Variants in MAGI1 observed in about 807,000 individuals in gnomAD.
MAGI1 encodes the protein membrane-associated guanylate kinase, WW and PDZ domain-containing protein 1.
In MAGI1, 58 loss-of-function variants were observed where a neutral mutation model predicts 139.9. The observed-to-expected ratio is 0.41, with a 90% CI of 0.34 to 0.52. The LOEUF (loss-of-function observed/expected upper bound fraction) is 0.52. Ranked by LOEUF, MAGI1 falls within the 20% of genes least tolerant of loss-of-function variation. The pLI is 0.12. For missense variants in MAGI1, 1,874 were observed against 1,901.6 expected, an observed-to-expected ratio of 0.99 and a Z score of 0.27; for synonymous variants, 812 against 737.9, an observed-to-expected ratio of 1.10 and a Z score of -1.63.
chr3:65,837,331 C>A, intron 1 of MAGI1, among the ~76,000 whole-genome samples: 1 of 152,198 alleles, frequency 6.6e-6, no homozygotes, highest in East Asian at 1.9e-4. Context: ...TGAGTATCAA[C>A]TTCAGCTGCC....
chr3:65,735,891 A>C (rs1344706151), intron 1 of MAGI1, among the ~76,000 whole-genome samples: 1 of 152,160 alleles, frequency 6.6e-6, no homozygotes, highest in Non-Finnish European at 1.5e-5. Context: ...CAATAACTGA[A>C]GCCTCTGTGA....
At chr3:65,833,907 C>G (rs1030778913) in intron 1 of MAGI1, among the ~76,000 whole-genome samples, 1 of 152,190 alleles carries the variant, frequency 6.6e-6, no homozygotes, top group Non-Finnish European at 1.5e-5. Context: ...CACAAGCTCC[C>G]CAGTGGCTTT....
At chr3:66,023,533 GCAAAAAA>G (rs1211573625) in intron 1 of MAGI1, among the ~76,000 whole-genome samples, 1 of 152,034 alleles carries the variant, frequency 6.6e-6, no homozygotes, top group Non-Finnish European at 1.5e-5. Flanking sequence ...ACACTGGTTT[GCAAAAAA>G]CAAAAAACAA....
At chr3:65,611,573 CTATATATACTATACTAGTATATACAGTA>C (rs1202783749) in intron 2 of MAGI1, among the ~76,000 whole-genome samples, 3 of 135,424 alleles carry the variant, frequency 2.2e-5, no homozygotes, top group Admixed American at 1.5e-4. Flanking sequence ...ATATATGACA[CTATATATACTATACTAGTATATACAGTA>C]TATATATACT....
At chr3:65,771,580 A>G (rs1307953480) in intron 1 of MAGI1, among the ~76,000 whole-genome samples, 1 of 152,210 alleles carries the variant, frequency 6.6e-6, no homozygotes, top group Non-Finnish European at 1.5e-5. Flanking sequence ...AAAATAAGGT[A>G]TAACCAGCCT....
intron 1 of MAGI1, among the ~76,000 whole-genome samples, chr3:66,012,102 T>C (rs564797910): frequency 6.6e-6 from 1 of 152,212 alleles, no homozygotes; most frequent in South Asian, 2.1e-4. Flanking sequence ...CAAAATGGTA[T>C]TTCAAAGTTA....
intron 1 of MAGI1, among the ~76,000 whole-genome samples, chr3:65,865,204 T>A (rs1030262882): frequency 3.9e-5 from 6 of 152,176 alleles, no homozygotes; most frequent in Non-Finnish European, 7.3e-5. Context: ...CTCTGCCCTT[T>A]GATGGTATAA....
chr3:65,716,521 AG>A (rs1323459110), intron 1 of MAGI1, among the ~76,000 whole-genome samples: 1 of 152,244 alleles, frequency 6.6e-6, no homozygotes, highest in Admixed American at 6.5e-5. Context: ...ACAGAGTGGT[AG>A]GAACAGTGGG....
chr3:65,888,032 T>A (rs900842620), intron 1 of MAGI1, among the ~76,000 whole-genome samples: 1 of 152,172 alleles, frequency 6.6e-6, no homozygotes, highest in Non-Finnish European at 1.5e-5. Context: ...AAAGAACCTA[T>A]CACCAAACTA....
intron 1 of MAGI1, among the ~76,000 whole-genome samples, chr3:65,747,070 G>A (rs2035770283): frequency 6.6e-6 from 1 of 152,314 alleles, no homozygotes; most frequent in South Asian, 2.1e-4. Flanking sequence ...GGAGGCTGAG[G>A]CAGGACGAAT....
chr3:65,774,193 A>T (rs1342716285), intron 1 of MAGI1, among the ~76,000 whole-genome samples: 1 of 152,118 alleles, frequency 6.6e-6, no homozygotes, highest in African/African-American at 2.4e-5. Flanking sequence ...TCTATAACTG[A>T]CATATAATTC....
At chr3:65,940,755 C>T (rs2063275008) in intron 1 of MAGI1, among the ~76,000 whole-genome samples, 1 of 152,122 alleles carries the variant, frequency 6.6e-6, no homozygotes, top group Non-Finnish European at 1.5e-5. Context: ...ATAAATGTAA[C>T]CAAAGTGCGT....
intron 2 of MAGI1, among the ~76,000 whole-genome samples, chr3:65,499,685 C>T (rs1429846760): frequency 1.3e-5 from 2 of 151,976 alleles, no homozygotes; most frequent in Non-Finnish European, 2.9e-5. Context: ...TTAATGTGCA[C>T]TGAAGTGATA....
intron 1 of MAGI1, among the ~76,000 whole-genome samples, chr3:66,008,453 T>C (rs1053044609): frequency 2.0e-4 from 30 of 152,196 alleles, no homozygotes; most frequent in African/African-American, 6.8e-4. Flanking sequence ...GTAGGCACTA[T>C]ACCTGGCAGG....
chr3:65,611,089 CATAT>C (rs1238941163), intron 2 of MAGI1, among the ~76,000 whole-genome samples: 1 of 134,618 alleles, frequency 7.4e-6, no homozygotes, highest in African/African-American at 2.7e-5. Context: ...GTACTATATA[CATAT>C]ATAATATATA....
At chr3:65,562,629 C>G (rs537555839) in intron 2 of MAGI1, among the ~76,000 whole-genome samples, 2 of 152,142 alleles carry the variant, frequency 1.3e-5, no homozygotes, top group Admixed American at 1.3e-4. Flanking sequence ...GGTGGGATTA[C>G]AAGTGCAAGC....
At chr3:65,391,698 C>A (rs1308832929) in intron 13 of MAGI1, among the ~76,000 whole-genome samples, 1 of 152,130 alleles carries the variant, frequency 6.6e-6, no homozygotes, top group Non-Finnish European at 1.5e-5. Context: ...TTCATTTTCA[C>A]AAAAATATGT....
intron 1 of MAGI1, among the ~76,000 whole-genome samples, chr3:66,014,501 AT>A (rs1411743481): frequency 2.0e-5 from 3 of 152,162 alleles, no homozygotes; most frequent in South Asian, 2.1e-4. Context: ...ATACCATATA[AT>A]TTTTCAACCA....
In MAGI1 at chr3:65,502,519, A is replaced by G. The variant is rs577099873; in HGVS notation, c.431-8888T>C. On this transcript the variant is annotated intron_variant, in intron 2 of 22. Transcript: ENST00000402939. The stretch of plus-strand genomic sequence containing the variant: ...CACCTGGAGTCCCAGCTACAAGGGA[A>G]GCTGAAGTGGGAGGATTGCTTGAAC... Among the ~76,000 whole-genome samples the G allele has an allele frequency of 2.0e-5, 3 of 152,338 alleles. No homozygotes were observed. The East Asian group carries it at 5.8e-4, about 29-fold the overall frequency.
Sources: allele counts gnomAD v4.1 joint callset (sites outside exome capture counted in the v4.1 genomes callset), GRCh38; gene constraint gnomAD v4.1.1; transcripts MANE v1.5; gene names NCBI Gene and HGNC (gene_info 2026-07-23, HGNC 2026-07-21).